The following TAFA2 variants were observed in gnomAD, a reference collection of about 807,000 sequenced individuals.
TAFA2 encodes chemokine-like protein TAFA-2.
In TAFA2, 7 loss-of-function variants were observed where a neutral mutation model predicts 18.8. The ratio of observed to expected loss-of-function variants is 0.37; its 90% CI spans 0.21 to 0.70. The LOEUF is 0.70. Ranked by LOEUF, TAFA2 falls within the 30% of genes least tolerant of loss-of-function variation. The probability of loss-of-function intolerance (pLI) is 0.53; values close to 1 mark genes in which losing one functional copy is unlikely to be tolerated. For synonymous variants in TAFA2, 60 were observed against 54.2 expected, an observed-to-expected ratio of 1.11 and a Z score of -0.47; for missense variants, 122 against 158.1, an observed-to-expected ratio of 0.77 and a Z score of 1.23.
intron 1 of TAFA2, among the ~76,000 whole-genome samples, chr12:61,893,310 AG>A (rs760309733): frequency 6.6e-6 from 1 of 152,242 alleles, no homozygotes; most frequent in Non-Finnish European, 1.5e-5. Flanking sequence ...GGAAAGTAGG[AG>A]GAACAGAAGA....
chr12:61,817,989 A>G (rs1872155719), intron 2 of TAFA2, among the ~76,000 whole-genome samples: 1 of 152,102 alleles, frequency 6.6e-6, no homozygotes, highest in Non-Finnish European at 1.5e-5. Flanking sequence ...AAGGCTGCCA[A>G]CTAGCCAAAG....
intron 1 of TAFA2, chr12:62,206,951 T>C (rs1242085069): frequency 6.6e-6 from 1 of 152,248 alleles, no homozygotes; most frequent in Non-Finnish European, 1.5e-5. Context: ...CAAATGGACT[T>C]AATTGAAATC....
chr12:62,193,623 G>T (rs898605283), upstream of TAFA2, among the ~76,000 whole-genome samples: 3 of 152,024 alleles, frequency 2.0e-5, no homozygotes, highest in African/African-American at 7.2e-5. Flanking sequence ...ATGTTGAGGT[G>T]GTCATTTTTA....
At chr12:62,040,545 G>A (rs1380938237) in intron 1 of TAFA2, among the ~76,000 whole-genome samples, 1 of 152,084 alleles carries the variant, frequency 6.6e-6, no homozygotes, top group Admixed American at 6.5e-5. Context: ...AGAAGCCAAG[G>A]AACCTCAAGT....
intron 1 of TAFA2, among the ~76,000 whole-genome samples, chr12:61,976,834 C>A (rs1209679330): frequency 6.6e-6 from 1 of 152,064 alleles, no homozygotes; most frequent in South Asian, 2.1e-4. Context: ...TCATCCATGT[C>A]CCTGCAAAGG....
intron 2 of TAFA2, among the ~76,000 whole-genome samples, chr12:61,764,463 A>G (rs1157954325): frequency 6.6e-6 from 1 of 152,024 alleles, no homozygotes; most frequent in Non-Finnish European, 1.5e-5. Context: ...AATGGGAGAA[A>G]GAGTGTTGAA....
intron 1 of TAFA2, among the ~76,000 whole-genome samples, chr12:62,112,956 T>C (rs1005408080): frequency 3.9e-5 from 6 of 152,118 alleles, no homozygotes; most frequent in Non-Finnish European, 7.3e-5. Flanking sequence ...GAGTTTGTTA[T>C]TACCCACCTT....
chr12:62,226,281 C>T (rs529705210), intron 1 of TAFA2, among the ~76,000 whole-genome samples: 5 of 151,908 alleles, frequency 3.3e-5, no homozygotes, highest in Admixed American at 2.6e-4. Context: ...GCAAGCTCCA[C>T]CTCCTGGGTT....
intron 1 of TAFA2, among the ~76,000 whole-genome samples, chr12:62,009,135 T>C (rs1003001254): frequency 6.6e-6 from 1 of 152,200 alleles, no homozygotes; most frequent in Non-Finnish European, 1.5e-5. Context: ...AGAATCATCA[T>C]ATTAAACACA....
At chr12:62,155,583 G>A (rs964945290) in intron 1 of TAFA2, among the ~76,000 whole-genome samples, 3 of 152,122 alleles carry the variant, frequency 2.0e-5, no homozygotes, top group African/African-American at 7.2e-5. Flanking sequence ...CATGGTACTG[G>A]TATAAAAATA....
chr12:62,235,409 A>C (rs2062832325), intron 1 of TAFA2: 4 of 652,162 alleles, frequency 6.1e-6, no homozygotes, highest in Non-Finnish European at 1.1e-5. Flanking sequence ...AGTCATGTTC[A>C]AGATGGGTGC....
chr12:61,815,983 A>T (rs1007844397), intron 2 of TAFA2, among the ~76,000 whole-genome samples: 6 of 151,152 alleles, frequency 4.0e-5, no homozygotes, highest in Admixed American at 2.6e-4. Flanking sequence ...TAGGGAAAAT[A>T]AAAAAAAGAT....
chr12:61,858,010 A>T (rs1331943781), intron 2 of TAFA2, among the ~76,000 whole-genome samples: 1 of 152,180 alleles, frequency 6.6e-6, no homozygotes, highest in Admixed American at 6.5e-5. Flanking sequence ...CAGAGAGTCT[A>T]GCAGTGTTGG....
intron 1 of TAFA2, among the ~76,000 whole-genome samples, chr12:62,169,747 A>T (rs1260837445): frequency 1.3e-5 from 2 of 148,524 alleles, no homozygotes; most frequent in Admixed American, 1.4e-4. Context: ...GCTACTGGGG[A>T]GGCTGAGGCA....
At chr12:61,813,674 T>C (rs1425161017) in intron 2 of TAFA2, among the ~76,000 whole-genome samples, 1 of 151,542 alleles carries the variant, frequency 6.6e-6, no homozygotes. Flanking sequence ...ACACCAATTT[T>C]ACTGGCTGAA....
At chr12:61,954,996 C>T (rs1401565005) in intron 1 of TAFA2, among the ~76,000 whole-genome samples, 2 of 152,058 alleles carry the variant, frequency 1.3e-5, no homozygotes, top group East Asian at 3.9e-4. Flanking sequence ...GATAATATAA[C>T]CCTTCCTGAA....
chr12:61,882,509 A>C (rs1253179712), intron 1 of TAFA2, among the ~76,000 whole-genome samples: 14 of 152,146 alleles, frequency 9.2e-5, no homozygotes, highest in Admixed American at 9.2e-4. Context: ...AATGGAGGTA[A>C]AAGGAGAATA....
chr12:62,230,079 C>T (rs752289223), intron 1 of TAFA2, among the ~76,000 whole-genome samples: 26 of 151,840 alleles, frequency 1.7e-4, no homozygotes, highest in Non-Finnish European at 3.4e-4. Context: ...TTATGTTCCC[C>T]TTTTCATTTC....
intron 1 of TAFA2, among the ~76,000 whole-genome samples, chr12:62,155,378 G>A (rs974754834): frequency 3.9e-5 from 6 of 152,062 alleles, no homozygotes; most frequent in African/African-American, 1.4e-4. Context: ...ACTAACAAAA[G>A]CAATCTACAA....
Sources: gnomAD v4.1 joint callset for allele counts (sites outside exome capture counted in the v4.1 genomes callset) on GRCh38, gnomAD v4.1.1 for gene constraint, MANE v1.5 for transcripts, NCBI Gene and HGNC (gene_info 2026-07-23, HGNC 2026-07-21) for gene names.